The following MTRF1 variants were observed in gnomAD, a reference collection of about 807,000 sequenced individuals.
MTRF1 encodes peptide chain release factor 1, mitochondrial.
MTRF1 carries 51 observed loss-of-function variants against 62.9 expected under a neutral mutation model. The observed-to-expected ratio is 0.81, with a 90% CI of 0.65 to 1.02. The LOEUF (loss-of-function observed/expected upper bound fraction) is 1.02, where lower values mean the gene tolerates loss of function less well. Among genes scored for constraint, MTRF1 ranks in the 50% least tolerant of loss-of-function variants. The pLI is 0.00. For missense variants in MTRF1, 446 were observed against 530.0 expected (o/e 0.84, Z 1.56); for synonymous variants, 158 against 181.9 (o/e 0.87, Z 1.06).
chr13:41,263,373 C>CCGCG, intron 1 of MTRF1, 112 bp downstream of exon 1: 2 of 1,152,276 alleles, frequency 1.7e-6, no homozygotes, highest in Non-Finnish European at 2.3e-6. Flanking sequence ...AAGCGACAGC[C>CCGCG]CGCGGGGCAG....
At chr13:41,253,095 G>A in intron 3 of MTRF1, 65 bp from the exon 4 acceptor site, 3 of 1,229,414 alleles carry the variant, frequency 2.4e-6, no homozygotes, top group Non-Finnish European at 3.4e-6. Flanking sequence ...ATTAAATAAA[G>A]GCCCGAAAAA....
At chr13:41,233,306 G>C (rs2035917207) in intron 7 of MTRF1, among the ~76,000 whole-genome samples, 1 of 152,094 alleles carries the variant, frequency 6.6e-6, no homozygotes, top group African/African-American at 2.4e-5. Flanking sequence ...AAGAGGGTGG[G>C]AACAAGTCCA....
chr13:41,271,091 A>ACACACACC, the MTRF1 span, among the ~76,000 whole-genome samples: 77 of 137,206 alleles, frequency 5.6e-4, 1 homozygote, highest in African/African-American at 1.9e-3. Context: ...ACACACACAC[A>ACACACACC]CCCCATATAG....
At chr13:41,274,741 T>G in the MTRF1 span, among the ~76,000 whole-genome samples, 1 of 151,902 alleles carries the variant, frequency 6.6e-6, no homozygotes, top group African/African-American at 2.4e-5. Context: ...TTTCAAGTGA[T>G]TCTTGTGCCT....
intron 7 of MTRF1, among the ~76,000 whole-genome samples, chr13:41,233,681 T>C (rs113554522): frequency 2.7e-4 from 41 of 152,278 alleles, no homozygotes; most frequent in African/African-American, 8.9e-4. Flanking sequence ...CTTCCCTGAA[T>C]AGGTCTGCTC....
the MTRF1 span, among the ~76,000 whole-genome samples, chr13:41,307,421 CA>C: frequency 9.9e-5 from 15 of 152,188 alleles, no homozygotes; most frequent in Admixed American, 3.3e-4. Context: ...GTCAAGAGTT[CA>C]AAACCAGCCT....
intron 2 of MTRF1, among the ~76,000 whole-genome samples, chr13:41,256,327 AAT>A (rs1491191980): frequency 5.4e-4 from 56 of 103,762 alleles, no homozygotes; most frequent in Admixed American, 2.0e-4. Flanking sequence ...TCTGTTGTAG[AAT>A]TTTTTTTTTT....
chr13:41,229,484 C>T (rs1367128170), intron 7 of MTRF1: 1 of 152,172 alleles, frequency 6.6e-6, no homozygotes, highest in Admixed American at 6.5e-5. Context: ...TCTCTCTATC[C>T]TCCTCTCCCC....
chr13:41,273,305 T>G, the MTRF1 span, among the ~76,000 whole-genome samples: 98,770 of 149,004 alleles, frequency 0.66, 33,856 homozygotes, highest in East Asian at 0.77. Context: ...CAGCCTGGGC[T>G]ACAGAGCGAG....
chr13:41,311,797 T>A, the MTRF1 span, among the ~76,000 whole-genome samples: 1 of 152,176 alleles, frequency 6.6e-6, no homozygotes. Context: ...TCCGCGGTCT[T>A]CTGCGGCTCG....
intron 5 of MTRF1, among the ~76,000 whole-genome samples, chr13:41,244,019 C>T (rs1204465740): frequency 1.3e-5 from 2 of 152,150 alleles, no homozygotes; most frequent in Non-Finnish European, 2.9e-5. Flanking sequence ...AGTCCCAGTT[C>T]TTCAGGTAAC....
chr13:41,227,851 C>T (rs2034737604), intron 7 of MTRF1, among the ~76,000 whole-genome samples: 2 of 152,230 alleles, frequency 1.3e-5, no homozygotes, highest in African/African-American at 4.8e-5. Context: ...GAGGTTTCAC[C>T]TCTACTAGTT....
chr13:41,249,626 T>C (rs1354330583), intron 5 of MTRF1, among the ~76,000 whole-genome samples: 121 of 114,500 alleles, frequency 1.1e-3, no homozygotes, highest in African/African-American at 3.2e-3. Context: ...TTTCTTTTTT[T>C]TTTTTTTTTT....
intron 7 of MTRF1, among the ~76,000 whole-genome samples, chr13:41,233,577 C>T (rs141414833): frequency 2.0e-5 from 3 of 152,256 alleles, no homozygotes; most frequent in East Asian, 1.9e-4. Context: ...AGAATATCCA[C>T]GGTGGTGGCC....
chr13:41,243,652 A>ACTTGTTAGCTTGCAAG (rs2037845367), intron 5 of MTRF1, among the ~76,000 whole-genome samples: 1 of 152,160 alleles, frequency 6.6e-6, no homozygotes, highest in Non-Finnish European at 1.5e-5. Flanking sequence ...AAGTAGGGTA[A>ACTTGTTAGCTTGCAAG]AATCTCAGAC....
intron 6 of MTRF1, 87 bp downstream of exon 6, chr13:41,240,174 A>G: frequency 2.2e-6 from 3 of 1,391,644 alleles, no homozygotes; most frequent in Non-Finnish European, 2.9e-6. Context: ...AAAAAAAAAA[A>G]AAGGACAGAT....
the MTRF1 span, among the ~76,000 whole-genome samples, chr13:41,300,578 T>A: frequency 7.5e-6 from 1 of 133,826 alleles, no homozygotes; most frequent in African/African-American, 2.9e-5. Context: ...ACAGCAAGAC[T>A]CCGTCTCAAA....
At chr13:41,309,384 T>TG in the MTRF1 span, among the ~76,000 whole-genome samples, 4 of 107,692 alleles carry the variant, frequency 3.7e-5, no homozygotes, top group African/African-American at 1.1e-4. Flanking sequence ...GTGTGTGTGT[T>TG]TGCCATGTTG....
the MTRF1 span, among the ~76,000 whole-genome samples, chr13:41,278,416 TACCCCCTAGGATTC>T: frequency 2.0e-5 from 3 of 151,194 alleles, no homozygotes; most frequent in African/African-American, 7.3e-5. Context: ...TGAGTTTAAA[TACCCCCTAGGATTC>T]CATTGGTTAC....
Sources: gnomAD v4.1 joint callset for allele counts (sites outside exome capture counted in the v4.1 genomes callset) on GRCh38, gnomAD v4.1.1 for gene constraint, MANE v1.5 for transcripts, NCBI Gene and HGNC (gene_info 2026-07-23, HGNC 2026-07-21) for gene names.